MYH7B: variants seen among roughly 807,000 people sequenced by gnomAD.
MYH7B encodes myosin heavy chain 7B.
In MYH7B, 205 loss-of-function variants were observed where a neutral mutation model predicts 234.5. The ratio of observed to expected loss-of-function variants is 0.87; its 90% CI spans 0.78 to 0.98. The LOEUF (loss-of-function observed/expected upper bound fraction) is 0.98. Ranked by LOEUF, MYH7B falls within the 50% of genes least tolerant of loss-of-function variation. The pLI is 0.00. For missense variants in MYH7B, 2,652 were observed against 2,633.4 expected, an observed-to-expected ratio of 1.01 and a Z score of -0.15; for synonymous variants, 1,193 against 1,105.0, an observed-to-expected ratio of 1.08 and a Z score of -1.58.
chr20:34,976,612 GTGGGGATCTGAAGGGGCTCCTAAC>G (rs2081856959), intron 3 of MYH7B, among the ~76,000 whole-genome samples: 1 of 152,190 alleles, frequency 6.6e-6, no homozygotes, highest in African/African-American at 2.4e-5. Context: ...AATCTTCAAT[GTGGGGATCTGAAGGGGCTCCTAAC>G]TGGGTTACAT....
At chr20:34,986,969 G>A (rs199560364) in exon 15 of MYH7B, 1 of 1,613,928 alleles carries the variant, frequency 6.2e-7, no homozygotes, top group Non-Finnish European at 8.5e-7. Flanking sequence ...GAATGATGGG[G>A]AGGAGCTCAT....
chr20:34,984,567 GC>G, intron 10 of MYH7B, 124 bp from the exon 11 acceptor site: 1 of 802,054 alleles, frequency 1.2e-6, no homozygotes, highest in South Asian at 1.6e-5. Flanking sequence ...TGGGGGCCAT[GC>G]ATTCCGGTGA....
Position 35,000,433 on chromosome 20 carries a change from G to A in MYH7B, c.4922G>A (p.Arg1641His), listed in dbSNP as rs550342770. 2.6e-5 allele frequency: 42 copies of A among 1,601,828 alleles called. No homozygotes were observed. The highest frequency in any genetic ancestry group is 1.0e-4 in the Admixed American group (6 of 60,028). Residue 1641 changes from arginine (R) to histidine (H), a missense_variant, in exon 39 of 45, where the codon CGT becomes CAT. Arg to His is a conservative substitution (Grantham distance 29). Transcript: ENST00000262873. Reference sequence around the variant, plus strand: ...GAGCTGCAGCTGGGCCATGCCACCCGTCAGGCCACAGAGGCCCAGGCTGCC... The same window carrying A: ...GAGCTGCAGCTGGGCCATGCCACCCATCAGGCCACAGAGGCCCAGGCTGCC...
chr20:34,997,511 C>T (rs770240476), exon 32 of MYH7B: 13 of 1,590,382 alleles, frequency 8.2e-6, no homozygotes, highest in African/African-American at 2.7e-5. Context: ...AGGCGGAGGG[C>T]GCGGCGGAGC....
chr20:34,980,898 G>A (rs1266993428), intron 8 of MYH7B, 135 bp from the exon 9 acceptor site: 2 of 1,485,848 alleles, frequency 1.3e-6, no homozygotes, highest in Non-Finnish European at 1.9e-6. Context: ...ACCTCCACTA[G>A]GGACAGCCCC....
chr20:34,985,652 CA>C (rs1449482639), intron 13 of MYH7B, among the ~76,000 whole-genome samples: 1 of 152,118 alleles, frequency 6.6e-6, no homozygotes, highest in Non-Finnish European at 1.5e-5. Context: ...GAGGGGCCCC[CA>C]CGTTGGCCAC....
intron 2 of MYH7B, among the ~76,000 whole-genome samples, chr20:34,964,395 T>C (rs2081724539): frequency 6.6e-6 from 1 of 152,246 alleles, no homozygotes; most frequent in Non-Finnish European, 1.5e-5. Context: ...CTGCCTGTTG[T>C]TGGAGGATGG....
chr20:34,982,748 C>T (rs576889033), intron 10 of MYH7B, among the ~76,000 whole-genome samples, 193 bp downstream of exon 10: 2 of 152,230 alleles, frequency 1.3e-5, no homozygotes, highest in Admixed American at 6.5e-5. Context: ...GGCCACCTGA[C>T]GCGCCTGCCT....
intron 2 of MYH7B, among the ~76,000 whole-genome samples, chr20:34,974,223 A>G (rs2081822628): frequency 7.1e-6 from 1 of 140,082 alleles, no homozygotes; most frequent in Non-Finnish European, 1.5e-5. Flanking sequence ...CACCATGCCC[A>G]GCCTTTTTTT....
chr20:34,984,401 G>A (rs2081984226), intron 10 of MYH7B, among the ~76,000 whole-genome samples: 2 of 152,180 alleles, frequency 1.3e-5, no homozygotes, highest in South Asian at 4.1e-4. Context: ...TTGGAGCAGG[G>A]CCACTGCATG....
exon 36 of MYH7B, chr20:34,999,337 T>C: frequency 6.4e-7 from 1 of 1,562,500 alleles, no homozygotes; most frequent in Non-Finnish European, 8.7e-7. Flanking sequence ...CTCTTCCGGC[T>C]GCGGCACGGC....
Position 34,987,682 on chromosome 20 carries a change from T to C in MYH7B, c.1266+7T>C, listed in dbSNP as rs2082055900. The C allele has an allele frequency of 6.2e-7, 1 of 1,612,414 alleles. No individual in the cohort carries two copies. The highest frequency in any genetic ancestry group is 2.2e-5 in the East Asian group (1 of 44,804). ...GGGCCAGAGTGTGGAGCAGGTGAGC[T>C]GCCTGCAGGCCAAACCCATGGGGGA... is the stretch of plus-strand genomic sequence containing the variant. On this transcript the variant is annotated splice_region_variant and intron_variant, in intron 17 of 44. Transcript: ENST00000262873.
Position 34,979,496 on chromosome 20 carries a change from G to T in MYH7B, c.198G>T (p.Lys66Asn), listed in dbSNP as rs41309316. ...TCACCGTGGAGACCAAAGACCAGAAGGTTCCGTTCCCCCTTTCCTGAGATT... is the reference window on the plus strand; with the variant it reads ...TCACCGTGGAGACCAAAGACCAGAATGTTCCGTTCCCCCTTTCCTGAGATT... The change falls in exon 6 of 45, where the codon AAG (lysine) becomes AAT (asparagine). Residue 66 changes from lysine to asparagine, a missense_variant and splice_region_variant. This residue lies in a region of MYH7B where 366 missense variants were observed against 401.2 expected (regional missense o/e 0.91). Transcript: ENST00000262873. 3.7e-3 allele frequency: 5,893 copies of T among 1,611,518 alleles called. 17 individuals carry two copies. Among genetic ancestry groups the T allele is most frequent in the Non-Finnish European group, 4.4e-3 (5,227 of 1,178,432 alleles).
intron 22 of MYH7B, 191 bp downstream of exon 22, chr20:34,990,501 T>C (rs749079673): frequency 1.1e-6 from 1 of 882,362 alleles, no homozygotes; most frequent in African/African-American, 1.6e-5. Flanking sequence ...GCAGGGTTTG[T>C]GGGGAAGGGG....
intron 2 of MYH7B, among the ~76,000 whole-genome samples, chr20:34,963,692 A>C (rs2147150934): frequency 6.6e-6 from 1 of 152,276 alleles, no homozygotes; most frequent in East Asian, 1.9e-4. Context: ...ACTTTTTCTA[A>C]GAGTTTTATA....
chr20:34,991,156 G>A, intron 24 of MYH7B, 35 bp downstream of exon 24: 1 of 1,483,050 alleles, frequency 6.7e-7, no homozygotes, highest in Non-Finnish European at 9.3e-7. Context: ...GCTGCTCCAG[G>A]TGGAGGCCTG....
At chr20:34,958,104 C>T (rs147461850) in exon 2 of MYH7B, among the ~76,000 whole-genome samples, 4 of 152,314 alleles carry the variant, frequency 2.6e-5, no homozygotes, top group African/African-American at 7.2e-5. Context: ...GCAGGTTCCC[C>T]TCTTCCAAGA....
chr20:35,000,022 T>C, intron 38 of MYH7B, 116 bp downstream of exon 38: 1 of 1,059,892 alleles, frequency 9.4e-7, no homozygotes, highest in Non-Finnish European at 1.4e-6. Flanking sequence ...GGTTGCTGTC[T>C]CCATTCTAGC....
At chr20:34,965,130 G>C (rs994226874) in intron 2 of MYH7B, among the ~76,000 whole-genome samples, 3 of 152,144 alleles carry the variant, frequency 2.0e-5, no homozygotes, top group Non-Finnish European at 4.4e-5. Flanking sequence ...GGCCTCAAGT[G>C]ACCCTCTTGC....
Sources: gnomAD v4.1 joint callset for allele counts (sites outside exome capture counted in the v4.1 genomes callset) on GRCh38, gnomAD v4.1.1 for gene constraint, gnomAD v4.1.1 regional missense constraint, MANE v1.5 for transcripts, NCBI Gene and HGNC (gene_info 2026-07-23, HGNC 2026-07-21) for gene names.